ADORA2B: variants seen among roughly 807,000 people sequenced by gnomAD.
ADORA2B encodes the protein adenosine receptor A2b.
In ADORA2B, 18 loss-of-function variants were observed where a neutral mutation model predicts 20.8. The ratio of observed to expected loss-of-function variants is 0.87; its 90% confidence interval spans 0.60 to 1.29. The LOEUF is 1.29. ADORA2B is among the 50% of genes most tolerant of loss of function. ADORA2B has a pLI of 0.00. For missense variants in ADORA2B, 441 were observed against 422.7 expected, an observed-to-expected ratio of 1.04 and a Z score of -0.38; for synonymous variants, 179 against 178.3, an observed-to-expected ratio of 1.00 and a Z score of -0.03.
chr17:15,941,728 C>CAA (rs750541311), upstream of ADORA2B, among the ~76,000 whole-genome samples: 61 of 87,324 alleles, frequency 7.0e-4, 1 homozygote, highest in South Asian at 1.7e-3. Flanking sequence ...ACTCTTGTTT[C>CAA]AAAAAAAAAA....
At chr17:15,950,775 T>G (rs1463327661) in intron 1 of ADORA2B, among the ~76,000 whole-genome samples, 1 of 152,158 alleles carries the variant, frequency 6.6e-6, no homozygotes, top group Non-Finnish European at 1.5e-5. Flanking sequence ...ATGGTCGGCC[T>G]TCACCCCCCA....
the ADORA2B span, among the ~76,000 whole-genome samples, chr17:15,868,760 A>G: frequency 6.8e-6 from 1 of 147,022 alleles, no homozygotes; most frequent in Non-Finnish European, 1.5e-5. Flanking sequence ...AGCCTGGGCG[A>G]CAGAGTGAGA....
chr17:15,908,593 G>A, the ADORA2B span: 1 of 194,278 alleles, frequency 5.1e-6, no homozygotes, highest in East Asian at 1.3e-4. Context: ...AGAGCATGAT[G>A]CAGTATGTGG....
intron 1 of ADORA2B, among the ~76,000 whole-genome samples, chr17:15,953,466 AGGGGCGCTCTG>A (rs1222200056): frequency 6.6e-6 from 1 of 152,148 alleles, no homozygotes; most frequent in African/African-American, 2.4e-5. Flanking sequence ...ATTTGCCCCG[AGGGGCGCTCTG>A]GGCTGAGCCC....
intron 1 of ADORA2B, among the ~76,000 whole-genome samples, chr17:15,966,298 AT>A (rs1970114379): frequency 1.3e-5 from 2 of 152,238 alleles, no homozygotes; most frequent in South Asian, 4.1e-4. Flanking sequence ...CATTCCGTCT[AT>A]GTTAAAAGCC....
chr17:15,973,811 A>G (rs1379445196), intron 1 of ADORA2B: 1 of 152,254 alleles, frequency 6.6e-6, no homozygotes, highest in Non-Finnish European at 1.5e-5. Context: ...GGTAGGAAGT[A>G]TAGGAAGTCG....
At chr17:15,894,198 T>C in the ADORA2B span, among the ~76,000 whole-genome samples, 1 of 152,338 alleles carries the variant, frequency 6.6e-6, no homozygotes, top group East Asian at 1.9e-4. Context: ...TCTGAACTCA[T>C]GAACTCTGAA....
chr17:15,923,096 C>T, the ADORA2B span, among the ~76,000 whole-genome samples: 1 of 150,692 alleles, frequency 6.6e-6, no homozygotes. Context: ...GATCTCGGCT[C>T]ACTGCAACCT....
At chr17:15,914,887 TCTC>T in the ADORA2B span, among the ~76,000 whole-genome samples, 2 of 152,220 alleles carry the variant, frequency 1.3e-5, no homozygotes, top group Admixed American at 6.5e-5. Context: ...CTTAGGCAAC[TCTC>T]CTCAAAGTTC....
chr17:15,904,594 C>T, the ADORA2B span, among the ~76,000 whole-genome samples: 1 of 151,300 alleles, frequency 6.6e-6, no homozygotes. Flanking sequence ...ACCTTGTTAG[C>T]CAGGATCTTC....
At chr17:15,861,437 A>G in the ADORA2B span, among the ~76,000 whole-genome samples, 1 of 152,158 alleles carries the variant, frequency 6.6e-6, no homozygotes, top group African/African-American at 2.4e-5. Context: ...GGTTGGAGCC[A>G]TATTGCAAAT....
the ADORA2B span, among the ~76,000 whole-genome samples, chr17:15,931,963 C>A: frequency 6.6e-6 from 1 of 151,970 alleles, no homozygotes; most frequent in African/African-American, 2.4e-5. Flanking sequence ...AACTCCTGAC[C>A]TCAGGTGATC....
At chr17:15,924,518 T>G in the ADORA2B span, among the ~76,000 whole-genome samples, 2 of 151,996 alleles carry the variant, frequency 1.3e-5, no homozygotes, top group East Asian at 3.9e-4. Flanking sequence ...AATCACGAGG[T>G]CAGGAGATCG....
the ADORA2B span, among the ~76,000 whole-genome samples, chr17:15,873,977 TGTAAC>T: frequency 6.6e-6 from 1 of 151,806 alleles, no homozygotes; most frequent in Non-Finnish European, 1.5e-5. Context: ...TGCAAAGATG[TGTAAC>T]CAATCTAAGT....
chr17:15,953,982 CA>C (rs1443268889), intron 1 of ADORA2B, among the ~76,000 whole-genome samples: 5 of 149,516 alleles, frequency 3.3e-5, no homozygotes, highest in Admixed American at 1.3e-4. Flanking sequence ...ATACCATTTA[CA>C]TTTTTTTTTT....
chr17:15,937,478 G>A, the ADORA2B span, among the ~76,000 whole-genome samples: 34 of 152,158 alleles, frequency 2.2e-4, 1 homozygote, highest in Non-Finnish European at 2.9e-5. Flanking sequence ...TCAGCCAAAG[G>A]TGACAGATTA....
chr17:15,947,455 G>A (rs946414382), intron 1 of ADORA2B, among the ~76,000 whole-genome samples: 1 of 152,242 alleles, frequency 6.6e-6, no homozygotes, highest in African/African-American at 2.4e-5. Context: ...AAAAAAATGG[G>A]TGTGGGTGTG....
At chr17:15,934,851 A>G in the ADORA2B span, among the ~76,000 whole-genome samples, 1 of 152,108 alleles carries the variant, frequency 6.6e-6, no homozygotes, top group Admixed American at 6.5e-5. Flanking sequence ...CTGTTGCCCA[A>G]AGTGGAGTGC....
At chr17:15,878,004 A>G in the ADORA2B span, among the ~76,000 whole-genome samples, 2 of 152,052 alleles carry the variant, frequency 1.3e-5, no homozygotes, top group Non-Finnish European at 2.9e-5. Flanking sequence ...TTTTGGGGGA[A>G]AAAAAGAAAT....
Sources: gnomAD v4.1 joint callset for allele counts (sites outside exome capture counted in the v4.1 genomes callset) on GRCh38, gnomAD v4.1.1 for gene constraint, MANE v1.5 for transcripts, NCBI Gene and HGNC (gene_info 2026-07-23, HGNC 2026-07-21) for gene names.